Variants in KALRN observed in about 807,000 individuals in gnomAD.
KALRN encodes the protein kalirin RhoGEF kinase.
KALRN carries 70 observed loss-of-function variants against 353.7 expected under a neutral mutation model. That is an observed-to-expected ratio of 0.20 (90% CI 0.16 to 0.24). KALRN has a LOEUF of 0.24. Ranked by LOEUF, KALRN falls within the 10% of genes least tolerant of loss-of-function variation. KALRN has a pLI of 1.00. For missense variants in KALRN, 2,791 were observed against 3,756.7 expected, an observed-to-expected ratio of 0.74 and a Z score of 6.72; for synonymous variants, 1,391 against 1,434.8, an observed-to-expected ratio of 0.97 and a Z score of 0.69.
rs796191820 is a variant in KALRN at position 124,642,808 on chromosome 3, T to TG, written c.5664+5505_5664+5506insG. Among the ~76,000 whole-genome samples the TG allele has an allele frequency of 2.9e-3, 373 of 126,844 alleles. 18 individuals are homozygous for TG. Among genetic ancestry groups the TG allele is most frequent in the African/African-American group, 9.6e-3 (279 of 29,054 alleles). The allele number at this position is 126,844 out of a possible 152,430, so 83.2% of individuals were successfully genotyped here. A position where few individuals can be genotyped will look rare whatever the true frequency, so the allele number is the denominator to read the frequency against. On this transcript the variant is annotated intron_variant, in intron 37 of 59. Coordinates refer to ENST00000682506, the MANE Select transcript of KALRN (RefSeq NM_001388419.1). ...TGTGGAAGAGATTCCCAAGCCTCGT[T>TG]TTTTTTTTTTTTTTTTTTGAGACGG...
At chr3:124,058,826 G>C (rs2041772915) in intron 1 of KALRN, among the ~76,000 whole-genome samples, 1 of 151,938 alleles carries the variant, frequency 6.6e-6, no homozygotes, top group Non-Finnish European at 1.5e-5. Flanking sequence ...AAAGAGTCTA[G>C]ATTTATTTTA....
chr3:124,273,227 G>C (rs2074352739), intron 5 of KALRN, among the ~76,000 whole-genome samples: 1 of 152,128 alleles, frequency 6.6e-6, no homozygotes, highest in Admixed American at 6.5e-5. Context: ...CCATCTTGGA[G>C]GTGCTGGGGA....
rs1248894072 is a variant in KALRN, at chr3:124,152,417, T to C, written c.74-75573T>C. The C allele has an allele frequency of 1.8e-5, 24 of 1,321,238 alleles. No individual in the cohort carries two copies. In the Admixed American group the frequency reaches 3.7e-4, roughly 20 times the overall value. 81.8% of individuals were successfully genotyped at this position (1,321,238 alleles called of 1,614,324 possible). On this transcript the variant is annotated intron_variant, in intron 1 of 59. Transcript: ENST00000682506. ...ACACTATTGATACCTCTGATCCTGA[T>C]GACAAATGCCAATTTGGGTTCTGCA...
At chr3:124,369,251 T>C (rs1260548488) in intron 10 of KALRN, among the ~76,000 whole-genome samples, 1 of 152,256 alleles carries the variant, frequency 6.6e-6, no homozygotes, top group Non-Finnish European at 1.5e-5. Context: ...TACCTGTCAA[T>C]TGACAAAACT....
At position 124,726,311 on chromosome 3, in the gene KALRN, A is replaced by G. The variant is rs941459365; in HGVS notation, c.*6841A>G. 9 of 152,210 alleles carry G rather than the reference A, an allele frequency of 5.9e-5. No individual in the cohort carries two copies. The highest frequency in any genetic ancestry group is 2.2e-4 in the African/African-American group (9 of 41,460). The allele number at this position is 152,210 out of a possible 1,614,324, so 9.4% of individuals were successfully genotyped here. ...TGTTATGCATTCCTATAAATATACT[A>G]TACTAAAGATACTATATGGTTGTCT... On this transcript the variant is annotated 3_prime_UTR_variant, in exon 60 of 60. Coordinates refer to ENST00000682506, the MANE Select transcript of KALRN (RefSeq NM_001388419.1).
chr3:124,667,204 C>T, intron 47 of KALRN, 21 bp downstream of exon 47: 2 of 1,605,118 alleles, frequency 1.2e-6, no homozygotes, highest in Non-Finnish European at 1.7e-6. Context: ...GGCTTGGTTC[C>T]TTGCAGGGCT....
chr3:124,551,319 A>C (rs1007559092), intron 33 of KALRN, among the ~76,000 whole-genome samples: 1 of 152,250 alleles, frequency 6.6e-6, no homozygotes, highest in Non-Finnish European at 1.5e-5. Flanking sequence ...GAAGAAGGTA[A>C]GGTCAGGGAT....
intron 1 of KALRN, among the ~76,000 whole-genome samples, chr3:124,074,149 G>C (rs1332416321): frequency 2.0e-5 from 3 of 152,098 alleles, no homozygotes; most frequent in Non-Finnish European, 4.4e-5. Context: ...ACTCAGGTTT[G>C]CATTTCTACA....
intron 11 of KALRN, 103 bp from the exon 12 acceptor site, chr3:124,395,032 G>T: frequency 2.5e-6 from 2 of 801,640 alleles, no homozygotes; most frequent in Non-Finnish European, 2.1e-6. Flanking sequence ...GGCACTGACT[G>T]GTTGAGAGTA....
chr3:124,630,333 G>C (rs2080619151), intron 34 of KALRN, among the ~76,000 whole-genome samples: 1 of 152,166 alleles, frequency 6.6e-6, no homozygotes, highest in African/African-American at 2.4e-5. Context: ...CCCATATTCA[G>C]AGGGAGCCTA....
chr3:124,620,118 G>A (rs1208489911), intron 34 of KALRN, among the ~76,000 whole-genome samples: 1 of 151,768 alleles, frequency 6.6e-6, no homozygotes, highest in Non-Finnish European at 1.5e-5. Flanking sequence ...TTTTGGTTTT[G>A]AGACAGAGGT....
intron 33 of KALRN, among the ~76,000 whole-genome samples, chr3:124,513,584 G>A (rs939283942): frequency 2.0e-5 from 3 of 152,162 alleles, no homozygotes; most frequent in Admixed American, 6.5e-5. Context: ...AGGTTTTCTG[G>A]TAAAGAAACT....
At position 124,214,130 on chromosome 3, in the gene KALRN, G is replaced by A. The variant is rs566689580; in HGVS notation, c.74-13860G>A. On this transcript the variant is annotated intron_variant, in intron 1 of 59. Coordinates refer to ENST00000682506, the MANE Select transcript of KALRN (RefSeq NM_001388419.1). ...CCAACTTTTCAGAGATAACTGCTGT[G>A]TACATATATATATGTATATATATAT... Among the ~76,000 whole-genome samples the A allele has an allele frequency of 2.0e-5, 3 of 152,050 alleles. No individual in the cohort carries two copies. The East Asian group carries it at 5.8e-4, about 29-fold the overall frequency.
intron 15 of KALRN, among the ~76,000 whole-genome samples, chr3:124,426,491 G>A (rs548457480): frequency 6.6e-6 from 1 of 152,250 alleles, no homozygotes; most frequent in South Asian, 2.1e-4. Context: ...ATAACCTTAA[G>A]TTTTACCAAA....
At chr3:124,361,462 A>G (rs1478620642) in intron 10 of KALRN, among the ~76,000 whole-genome samples, 1 of 152,226 alleles carries the variant, frequency 6.6e-6, no homozygotes. Flanking sequence ...TGATATAGCC[A>G]TGGTAATAGA....
At chr3:124,539,823 G>A in intron 33 of KALRN, among the ~76,000 whole-genome samples, 1 of 151,348 alleles carries the variant, frequency 6.6e-6, no homozygotes, top group Non-Finnish European at 1.5e-5. Context: ...GCAGTGGTGT[G>A]ATCTCAGCTC....
At chr3:124,404,955 A>G (rs941531605) in intron 13 of KALRN, among the ~76,000 whole-genome samples, 2 of 152,120 alleles carry the variant, frequency 1.3e-5, no homozygotes, top group African/African-American at 4.8e-5. Context: ...AAATCCACCA[A>G]CATTGCAACT....
chr3:124,481,002 C>A lies in KALRN; in HGVS notation c.4192-1806C>A, dbSNP rs76564112. On this transcript the variant is annotated intron_variant, in intron 27 of 59. Transcript: ENST00000682506. ...ATGCATAGATATATATTTTTTATTT[C>A]TCTTGAGTATATACCTAGAACTTGA... 1.6e-3 allele frequency among the ~76,000 whole-genome samples: 239 copies of A among 151,980 alleles called. 1 individual carries two copies. The highest frequency in any genetic ancestry group is 5.6e-3 in the African/African-American group (234 of 41,454).
Position 124,269,012 on chromosome 3 carries a change from C to T in KALRN, c.726C>T (p.Ala242=), listed in dbSNP as rs372720406. 6.2e-7 allele frequency: 1 copy of T among 1,613,826 alleles called. No individual in the cohort carries two copies. Among genetic ancestry groups the T allele is most frequent in the South Asian group, 1.1e-5 (1 of 91,040 alleles). Residue 242 remains alanine (A), a synonymous_variant, in exon 5 of 60, where the codon GCC becomes GCT. Coordinates refer to ENST00000682506, the MANE Select transcript of KALRN (RefSeq NM_001388419.1). ...HTQLKKKVLK[A]PVEELDREGQ... ...AGCTCAAGAAAAAGGTGCTGAAGGCCCCTGTGGAGGAGCTGGACCGGGAGG... is the reference window on the plus strand; with the variant it reads ...AGCTCAAGAAAAAGGTGCTGAAGGCTCCTGTGGAGGAGCTGGACCGGGAGG...
Sources: allele counts gnomAD v4.1 joint callset (sites outside exome capture counted in the v4.1 genomes callset), GRCh38; gene constraint gnomAD v4.1.1; transcripts MANE v1.5; gene names NCBI Gene and HGNC (gene_info 2026-07-23, HGNC 2026-07-21).